The following TNFRSF8 variants were observed in gnomAD, a reference collection of about 807,000 sequenced individuals.
TNFRSF8 encodes tumor necrosis factor receptor superfamily member 8.
A neutral mutation model predicts 70.8 loss-of-function variants in TNFRSF8; 26 were observed. The ratio of observed to expected loss-of-function variants is 0.37; its 90% CI spans 0.27 to 0.51. The LOEUF is 0.51. Among genes scored for constraint, TNFRSF8 ranks in the 20% least tolerant of loss-of-function variants. The pLI is 0.94. For synonymous variants in TNFRSF8, 356 were observed against 339.2 expected (o/e 1.05, Z -0.54); for missense variants, 720 against 807.9 (o/e 0.89, Z 1.32).
intron 1 of TNFRSF8, among the ~76,000 whole-genome samples, chr1:12,076,110 T>C (rs1640960854): frequency 1.1e-5 from 1 of 88,704 alleles, no homozygotes; most frequent in African/African-American, 1.1e-4. Context: ...TTTCTTTTTT[T>C]TTTTTTTGAG....
chr1:12,065,363 A>G (rs1457681422), intron 1 of TNFRSF8, among the ~76,000 whole-genome samples: 1 of 152,162 alleles, frequency 6.6e-6, no homozygotes, highest in African/African-American at 2.4e-5. Flanking sequence ...GGTTACAGGC[A>G]TGAGCCACCA....
At chr1:12,080,239 G>T in intron 1 of TNFRSF8, 1 of 517,072 alleles carries the variant, frequency 1.9e-6, no homozygotes, top group South Asian at 1.4e-5. Flanking sequence ...ATGAGCCACC[G>T]TGCCCAGCCA....
intron 1 of TNFRSF8, among the ~76,000 whole-genome samples, chr1:12,075,883 AC>A (rs1364770342): frequency 2.6e-5 from 4 of 151,432 alleles, no homozygotes; most frequent in Non-Finnish European, 4.4e-5. Context: ...ACATTCCAAC[AC>A]CCCCATCCGA....
At position 12,123,353 on chromosome 1, in the gene TNFRSF8, C is replaced by G. The variant is rs762668254; in HGVS notation, c.1016C>G (p.Pro339Arg). ...LGTQPDCNPT[P>R]ENGEAPASTS... ...ACCCAGCCGGACTGCAACCCCACCC[C>G]AGAGAATGGCGAGGCGCCTGCCAGG... The change falls in exon 9 of 15, where the codon CCA (proline) becomes CGA (arginine). Residue 339 changes from proline (P) to arginine (R), a missense_variant. Physicochemically the swap from Pro to Arg is moderately radical, Grantham distance 103. Coordinates refer to ENST00000263932, the MANE Select transcript of TNFRSF8 (RefSeq NM_001243.5). The G allele has an allele frequency of 3.7e-6, 6 of 1,612,590 alleles. No homozygotes were observed. The African/African-American group carries it at 8.0e-5, about 22-fold the overall frequency.
chr1:12,079,820 C>T (rs1641031694), intron 1 of TNFRSF8, among the ~76,000 whole-genome samples: 1 of 152,206 alleles, frequency 6.6e-6, no homozygotes, highest in Admixed American at 6.5e-5. Context: ...AAAGAAGCCA[C>T]CACCTCCCAG....
chr1:12,106,809 C>T (rs1041447841), intron 4 of TNFRSF8, among the ~76,000 whole-genome samples: 8 of 152,176 alleles, frequency 5.3e-5, no homozygotes, highest in African/African-American at 1.9e-4. Flanking sequence ...TTCCCACCCG[C>T]CTCTGGACCT....
At chr1:12,078,952 G>A (rs963447507) in intron 1 of TNFRSF8, among the ~76,000 whole-genome samples, 1 of 152,218 alleles carries the variant, frequency 6.6e-6, no homozygotes, top group Non-Finnish European at 1.5e-5. Context: ...AAGTTCCAAG[G>A]TGGTGCCCCT....
At chr1:12,125,025 G>A (rs575389442) in intron 10 of TNFRSF8, among the ~76,000 whole-genome samples, 32 of 152,272 alleles carry the variant, frequency 2.1e-4, no homozygotes, top group African/African-American at 7.5e-4. Flanking sequence ...CATTGGCACC[G>A]GCTGGGAACT....
chr1:12,110,227 G>A lies in TNFRSF8; in HGVS notation c.676+23G>A, dbSNP rs143584199. On this transcript the variant is annotated intron_variant, in intron 6 of 14. Transcript: ENST00000263932. The surrounding 1 kb of genome is among the most constrained non-coding windows in gnomAD (Gnocchi z 4.0). ...CAGGTAATTTCCCCATGAAGCTGTG[G>A]GTCGTCTCCCTGGGGTGCTCGATTG... 3.2e-6 allele frequency: 5 copies of A among 1,562,520 alleles called. No homozygotes were observed. The Admixed American group carries it at 5.4e-5, about 17-fold the overall frequency.
intron 1 of TNFRSF8, among the ~76,000 whole-genome samples, chr1:12,076,397 G>GCCCCCAATAC (rs1640969051): frequency 1.3e-5 from 2 of 152,120 alleles, no homozygotes; most frequent in African/African-American, 4.8e-5. Context: ...ACCGTGCCCG[G>GCCCCCAATAC]CCTCAGTTTT....
At chr1:12,125,770 C>T in intron 10 of TNFRSF8, 181 bp from the exon 11 acceptor site, 1 of 646,504 alleles carries the variant, frequency 1.5e-6, no homozygotes, top group South Asian at 1.8e-5. Flanking sequence ...AATAGTTGAT[C>T]AGCTTCCTGG....
intron 1 of TNFRSF8, among the ~76,000 whole-genome samples, chr1:12,065,754 A>G (rs1254532322): frequency 2.0e-5 from 3 of 152,164 alleles, no homozygotes; most frequent in Non-Finnish European, 4.4e-5. Flanking sequence ...TCTTTTGCCA[A>G]ATGGGATGTT....
At chr1:12,130,805 T>C (rs1308862319) in intron 12 of TNFRSF8, among the ~76,000 whole-genome samples, 1 of 152,278 alleles carries the variant, frequency 6.6e-6, no homozygotes, top group Non-Finnish European at 1.5e-5. Context: ...ACAGTGGTTA[T>C]TCCAAAAGGC....
Position 12,109,958 on chromosome 1 carries a change from C to T in TNFRSF8, c.513-83C>T. ...GGGCCAAGGGCCTGGGACCCCATCT[C>T]TGTGGAAACTGTTACTCGTGAGCAC... On this transcript the variant is annotated intron_variant, in intron 5 of 14. Coordinates refer to ENST00000263932, the MANE Select transcript of TNFRSF8 (RefSeq NM_001243.5). The surrounding 1 kb of genome is among the most constrained non-coding windows in gnomAD (Gnocchi z 4.4). 6.6e-7 allele frequency: 1 copy of T among 1,508,564 alleles called. No homozygotes were observed. The highest frequency in any genetic ancestry group is 9.0e-7 in the Non-Finnish European group (1 of 1,110,474). The allele number at this position is 1,508,564 out of a possible 1,614,324, so 93.4% of individuals were successfully genotyped here.
At chr1:12,090,974 A>G (rs931697707) in intron 2 of TNFRSF8, among the ~76,000 whole-genome samples, 1 of 152,210 alleles carries the variant, frequency 6.6e-6, no homozygotes, top group African/African-American at 2.4e-5. Flanking sequence ...CCCAAATCCA[A>G]TATGACTGGT....
chr1:12,086,852 TC>T (rs1350683009), intron 2 of TNFRSF8, among the ~76,000 whole-genome samples: 6 of 151,910 alleles, frequency 3.9e-5, no homozygotes, highest in Non-Finnish European at 8.8e-5. Flanking sequence ...TAGGGCCCCA[TC>T]CTTATGACCT....
At chr1:12,074,100 A>T (rs532577350) in intron 1 of TNFRSF8, among the ~76,000 whole-genome samples, 2 of 151,956 alleles carry the variant, frequency 1.3e-5, no homozygotes, top group African/African-American at 4.8e-5. Context: ...GGGAGGCAGG[A>T]GGGATTTCTT....
intron 1 of TNFRSF8, among the ~76,000 whole-genome samples, chr1:12,070,693 G>C (rs1640826936): frequency 6.6e-6 from 1 of 152,190 alleles, no homozygotes; most frequent in Non-Finnish European, 1.5e-5. Context: ...AGGGCAGGAG[G>C]GAAATCAGGG....
chr1:12,067,656 G>T (rs1258337646), intron 1 of TNFRSF8, among the ~76,000 whole-genome samples: 1 of 151,884 alleles, frequency 6.6e-6, no homozygotes, highest in South Asian at 2.1e-4. Context: ...CGCCTGGGTG[G>T]CAGTGAGACT....
Sources: allele counts gnomAD v4.1 joint callset (sites outside exome capture counted in the v4.1 genomes callset), GRCh38; gene constraint gnomAD v4.1.1; non-coding constraint Gnocchi (gnomAD v3.1); transcripts MANE v1.5; gene names NCBI Gene and HGNC (gene_info 2026-07-23, HGNC 2026-07-21).